Variants in CDYL2 observed in about 807,000 individuals in gnomAD.
CDYL2 encodes the protein chromodomain Y like 2, also known as chromodomain Y-like protein 2.
Under a neutral mutation model 49.4 loss-of-function variants are expected in CDYL2, and 23 were observed. That is an observed-to-expected ratio of 0.47 (90% confidence interval 0.34 to 0.66). The LOEUF is 0.66. Among genes scored for constraint, CDYL2 ranks in the 30% least tolerant of loss-of-function variants. The pLI is 0.01. For missense variants in CDYL2, 678 were observed against 656.4 expected (o/e 1.03, Z -0.36); for synonymous variants, 360 against 268.8 (o/e 1.34, Z -3.32).
intron 2 of CDYL2, among the ~76,000 whole-genome samples, chr16:80,682,639 G>A (rs1054461732): frequency 2.6e-5 from 4 of 152,146 alleles, no homozygotes; most frequent in Admixed American, 2.6e-4. Context: ...ATATGAGCAG[G>A]GCAGGGAGCT....
chr16:80,691,654 AT>A (rs1281125162), intron 1 of CDYL2, among the ~76,000 whole-genome samples: 1 of 152,238 alleles, frequency 6.6e-6, no homozygotes, highest in African/African-American at 2.4e-5. Context: ...ACATAAGAAC[AT>A]GATCATAACT....
intron 1 of CDYL2, among the ~76,000 whole-genome samples, chr16:80,705,132 G>C (rs1904361780): frequency 6.6e-6 from 1 of 152,238 alleles, no homozygotes; most frequent in Admixed American, 6.5e-5. Context: ...ACAGGGTCCA[G>C]ATCCGAATGC....
chr16:80,606,851 C>T (rs1040816170), intron 6 of CDYL2, among the ~76,000 whole-genome samples: 2 of 150,366 alleles, frequency 1.3e-5, no homozygotes, highest in Non-Finnish European at 2.9e-5. Flanking sequence ...TTGGTTGTCA[C>T]TTCTGTCTTG....
chr16:80,690,106 G>C (rs1332801877), intron 1 of CDYL2, among the ~76,000 whole-genome samples: 1 of 150,440 alleles, frequency 6.6e-6, no homozygotes, highest in Non-Finnish European at 1.5e-5. Context: ...AGGAGACAGA[G>C]CAAGACTCTG....
chr16:80,617,718 C>T (rs1422400367), intron 4 of CDYL2, among the ~76,000 whole-genome samples: 1 of 152,226 alleles, frequency 6.6e-6, no homozygotes, highest in Non-Finnish European at 1.5e-5. Context: ...TCCATCTTCG[C>T]TCATCGTCCT....
intron 1 of CDYL2, among the ~76,000 whole-genome samples, chr16:80,781,059 GC>G (rs1907251384): frequency 1.3e-5 from 2 of 152,176 alleles, no homozygotes. Context: ...GAAATAATAA[GC>G]CCCCATAAAA....
At position 80,598,281 on chromosome 16, in the gene CDYL2, T is replaced by C. The variant is rs1597113259; in HGVS notation, c.*6107A>G. ...GCAAAGGTCTCGGTGGATTTTGGTGTATGCTACATCCATGATCAAATCCAA... is the reference window on the plus strand; with the variant it reads ...GCAAAGGTCTCGGTGGATTTTGGTGCATGCTACATCCATGATCAAATCCAA... On this transcript the variant is annotated 3_prime_UTR_variant, in exon 7 of 7. Transcript: ENST00000570137. 6.6e-6 allele frequency: 1 copy of C among 151,770 alleles called. No homozygotes were observed. The highest frequency in any genetic ancestry group is 2.1e-4 in the South Asian group (1 of 4,756). 9.4% of individuals were successfully genotyped at this position (151,770 alleles called of 1,614,324 possible).
chr16:80,718,073 T>G (rs374367785), intron 1 of CDYL2, among the ~76,000 whole-genome samples: 2 of 152,282 alleles, frequency 1.3e-5, no homozygotes, highest in South Asian at 2.1e-4. Flanking sequence ...ACTTTACAGA[T>G]GTAGCAACTG....
At chr16:80,719,837 G>A (rs1210462233) in intron 1 of CDYL2, among the ~76,000 whole-genome samples, 1 of 152,156 alleles carries the variant, frequency 6.6e-6, no homozygotes, top group African/African-American at 2.4e-5. Flanking sequence ...AACAGAATCA[G>A]CCCAAGAGGG....
intron 1 of CDYL2, 114 bp from the exon 2 acceptor site, chr16:80,685,243 G>A: frequency 2.5e-6 from 2 of 789,612 alleles, no homozygotes; most frequent in Non-Finnish European, 4.0e-6. Flanking sequence ...CCCTAGCCAG[G>A]GGGTGAGCCA....
intron 1 of CDYL2, among the ~76,000 whole-genome samples, chr16:80,764,656 G>A (rs1200702294): frequency 6.6e-6 from 1 of 152,142 alleles, no homozygotes; most frequent in Non-Finnish European, 1.5e-5. Context: ...AGCATCAATG[G>A]TATCTAATAT....
intron 5 of CDYL2, among the ~76,000 whole-genome samples, chr16:80,608,601 A>G (rs1906450901): frequency 6.6e-6 from 1 of 152,142 alleles, no homozygotes; most frequent in Admixed American, 6.5e-5. Flanking sequence ...CACACAGCCC[A>G]CAACAGCCCA....
chr16:80,729,607 C>T (rs12149494), intron 1 of CDYL2, among the ~76,000 whole-genome samples: 2 of 151,942 alleles, frequency 1.3e-5, no homozygotes, highest in African/African-American at 2.4e-5. Flanking sequence ...AGACCTAATA[C>T]ACATCTACAG....
chr16:80,794,985 A>G lies in CDYL2; in HGVS notation c.24+9165T>C, dbSNP rs537358265. ...ATAGTTCTAGGTCCACAGCTGACATAAAATAAAAATTTGACTGATGGATCA... is the reference window on the plus strand; with the variant it reads ...ATAGTTCTAGGTCCACAGCTGACATGAAATAAAAATTTGACTGATGGATCA... On this transcript the variant is annotated intron_variant, in intron 1 of 6. Coordinates refer to ENST00000570137, the MANE Select transcript of CDYL2 (RefSeq NM_152342.4). 1.2e-3 allele frequency among the ~76,000 whole-genome samples: 179 copies of G among 152,310 alleles called. 1 individual carries two copies. Among genetic ancestry groups the G allele is most frequent in the Non-Finnish European group, 1.6e-3 (110 of 68,028 alleles).
intron 1 of CDYL2, among the ~76,000 whole-genome samples, chr16:80,720,523 C>T (rs930573559): frequency 1.3e-5 from 2 of 152,218 alleles, no homozygotes; most frequent in Admixed American, 6.5e-5. Flanking sequence ...GTCTACAGAG[C>T]AAGGACACTG....
At chr16:80,675,553 TGA>T (rs1909709674) in intron 2 of CDYL2, among the ~76,000 whole-genome samples, 1 of 152,118 alleles carries the variant, frequency 6.6e-6, no homozygotes, top group African/African-American at 2.4e-5. Flanking sequence ...CTGCTTTGTG[TGA>T]GGAGTCAGGG....
chr16:80,756,424 T>C (rs994442946), intron 1 of CDYL2, among the ~76,000 whole-genome samples: 2 of 152,076 alleles, frequency 1.3e-5, no homozygotes, highest in Non-Finnish European at 2.9e-5. Flanking sequence ...AAAATGGCAG[T>C]AATTCAAAAA....
At chr16:80,673,368 G>C (rs1909611760) in intron 2 of CDYL2, among the ~76,000 whole-genome samples, 1 of 152,056 alleles carries the variant, frequency 6.6e-6, no homozygotes, top group Admixed American at 6.5e-5. Flanking sequence ...GTGAATTTAA[G>C]TCAACTTCAA....
At chr16:80,694,591 T>C (rs988677482) in intron 1 of CDYL2, among the ~76,000 whole-genome samples, 1 of 152,210 alleles carries the variant, frequency 6.6e-6, no homozygotes, top group Non-Finnish European at 1.5e-5. Context: ...TTTACTTTAA[T>C]ACATTTACAC....
Sources: allele counts gnomAD v4.1 joint callset (sites outside exome capture counted in the v4.1 genomes callset), GRCh38; gene constraint gnomAD v4.1.1; transcripts MANE v1.5; gene names NCBI Gene and HGNC (gene_info 2026-07-23, HGNC 2026-07-21).